SLC5A4: variants seen among roughly 807,000 people sequenced by gnomAD.
SLC5A4 encodes probable glucose sensor protein SLC5A4.
SLC5A4 carries 55 observed loss-of-function variants against 70.3 expected under a neutral mutation model. The observed-to-expected ratio is 0.78, with a 90% CI of 0.63 to 0.98. SLC5A4 has a LOEUF of 0.98. SLC5A4 is among the 50% of genes least tolerant of loss of function. The probability of loss-of-function intolerance (pLI) is 0.00; values close to 1 mark genes in which losing one functional copy is unlikely to be tolerated. For synonymous variants in SLC5A4, 268 were observed against 305.7 expected (o/e 0.88, Z 1.29); for missense variants, 735 against 839.2 (o/e 0.88, Z 1.53).
Position 32,231,029 on chromosome 22 carries a change from G to A in SLC5A4, c.1068C>T (p.Gly356=), listed in dbSNP as rs1419467090. ...CGTAGTTGGTGCAGCCAACATCAAC[G>A]CCACAGTGTTTCACGCATTCAGAAG... is the stretch of plus-strand genomic sequence containing the variant. ...VVPSECVKHC[G]VDVGCTNYAY... is the part of the protein sequence containing the mutation. The change falls in exon 10 of 15, where the codon GGC becomes GGT. Residue 356 remains glycine, a synonymous_variant. Coordinates refer to ENST00000266086, the MANE Select transcript of SLC5A4 (RefSeq NM_014227.3). 3.7e-6 allele frequency: 6 copies of A among 1,613,884 alleles called. No homozygotes were observed. Among genetic ancestry groups the A allele is most frequent in the Admixed American group, 1.7e-5 (1 of 60,004 alleles).
the SLC5A4 span, among the ~76,000 whole-genome samples, chr22:32,304,722 G>A: frequency 1.3e-5 from 2 of 152,234 alleles, no homozygotes; most frequent in Non-Finnish European, 2.9e-5. Flanking sequence ...GAGCAGAAAT[G>A]TTTAATTTTA....
rs536062517 is a variant in SLC5A4, at chr22:32,250,779, A to T, written c.312+991T>A. On this transcript the variant is annotated intron_variant, in intron 3 of 14. Coordinates refer to ENST00000266086, the MANE Select transcript of SLC5A4 (RefSeq NM_014227.3). ...ACCATAGAATACTACACAGCCATAA[A>T]AAAGGATGAGTTCATGTCCTTTGCA... 2.6e-4 allele frequency among the ~76,000 whole-genome samples: 40 copies of T among 152,178 alleles called. 1 individual carries two copies. The highest frequency in any genetic ancestry group is 2.6e-3 in the Admixed American group (40 of 15,278).
intron 3 of SLC5A4, among the ~76,000 whole-genome samples, chr22:32,251,307 C>T (rs1927140531): frequency 6.6e-6 from 1 of 151,956 alleles, no homozygotes; most frequent in African/African-American, 2.4e-5. Context: ...CCCAATGCAA[C>T]AGTATTGAGA....
the SLC5A4 span, among the ~76,000 whole-genome samples, chr22:32,278,104 C>T: frequency 1.7e-4 from 26 of 152,228 alleles, no homozygotes; most frequent in East Asian, 2.3e-3. Context: ...GGTCACTTAG[C>T]GTGTTAGGGT....
At chr22:32,278,202 CAA>C in the SLC5A4 span, among the ~76,000 whole-genome samples, 1 of 152,284 alleles carries the variant, frequency 6.6e-6, no homozygotes, top group African/African-American at 2.4e-5. Flanking sequence ...CCTTAGACCC[CAA>C]ATGGCTTTAC....
At chr22:32,274,423 T>C in the SLC5A4 span, among the ~76,000 whole-genome samples, 4 of 152,174 alleles carry the variant, frequency 2.6e-5, no homozygotes, top group South Asian at 8.3e-4. Flanking sequence ...TAGTTTGTTG[T>C]AGATATTATA....
rs771119948 is a variant in SLC5A4, at chr22:32,218,560, A to G, written c.1934T>C (p.Ile645Thr). 13 of 1,613,780 alleles carry G rather than the reference A, an allele frequency of 8.1e-6. No homozygotes were observed. In the South Asian group the frequency reaches 1.4e-4, roughly 18 times the overall value. Reference sequence around the variant, plus strand: ...AAAGACCACCACAGCCAGGAGGAGGATGGCGTTGATGTTCACTATTGTCCT... The same window carrying G: ...AAAGACCACCACAGCCAGGAGGAGGGTGGCGTTGATGTTCACTATTGTCCT... Reference protein sequence around the residue: ...SWRTIVNINAILLLAVVVFIH... With the variant: ...SWRTIVNINATLLLAVVVFIH... Residue 645 changes from isoleucine (I) to threonine (T), a missense_variant, in exon 15 of 15, where the codon ATC (isoleucine) becomes ACC (threonine). Transcript: ENST00000266086.
the SLC5A4 span, chr22:32,269,727 A>G: frequency 1.6e-6 from 1 of 627,344 alleles, no homozygotes; most frequent in South Asian, 1.4e-5. This position sits in a 1 kb window ranked among gnomAD's most constrained non-coding sequence, Gnocchi z 4.1. Flanking sequence ...CACCACAGGC[A>G]CCGCAGCTTT....
chr22:32,270,180 C>T, the SLC5A4 span: 1 of 659,004 alleles, frequency 1.5e-6, no homozygotes, highest in South Asian at 1.5e-5. Context: ...GGGCACACAG[C>T]TGGCCACCTA....
intron 8 of SLC5A4, among the ~76,000 whole-genome samples, chr22:32,234,462 G>A (rs1925943503): frequency 6.6e-6 from 1 of 152,162 alleles, no homozygotes; most frequent in Non-Finnish European, 1.5e-5. Context: ...ACTTTGAGAG[G>A]CCGAGGCGGG....
chr22:32,239,549 T>TAAATATAA (rs1569374801), intron 5 of SLC5A4, among the ~76,000 whole-genome samples: 1 of 13,914 alleles, frequency 7.2e-5, no homozygotes. Context: ...TATATATATA[T>TAAATATAA]ATATATATAT....
chr22:32,333,284 G>T, the SLC5A4 span, among the ~76,000 whole-genome samples: 1 of 151,826 alleles, frequency 6.6e-6, no homozygotes, highest in Non-Finnish European at 1.5e-5. Context: ...GCTGGAAGTG[G>T]GCAGCAGGCA....
chr22:32,305,197 T>C, the SLC5A4 span, among the ~76,000 whole-genome samples: 3 of 150,770 alleles, frequency 2.0e-5, no homozygotes, highest in African/African-American at 7.3e-5. Flanking sequence ...ATCAGCTCTT[T>C]AAAAATTTTC....
chr22:32,248,993 T>G (rs771039378), intron 3 of SLC5A4, among the ~76,000 whole-genome samples, 191 bp from the exon 4 acceptor site: 2 of 152,128 alleles, frequency 1.3e-5, no homozygotes, highest in Non-Finnish European at 2.9e-5. Flanking sequence ...GGGCCACCAT[T>G]TTCTGAGGAT....
At chr22:32,270,941 T>C in the SLC5A4 span, 1 of 561,164 alleles carries the variant, frequency 1.8e-6, no homozygotes, top group Non-Finnish European at 3.3e-6. Flanking sequence ...CACTGAGAGC[T>C]GCCTGAGCGG....
the SLC5A4 span, chr22:32,271,238 TG>T: frequency 1.3e-6 from 1 of 793,552 alleles, no homozygotes. Context: ...AACTTCCCTG[TG>T]GGGCAGCGGG....
rs1256363248 is a variant in SLC5A4 at position 32,239,594 on chromosome 22, AAATT to A, written c.478-508_478-505del. 1.4e-3 allele frequency among the ~76,000 whole-genome samples: 36 copies of A among 25,176 alleles called. 3 individuals are homozygous for A. Among genetic ancestry groups the A allele is most frequent in the African/African-American group, 6.5e-3 (21 of 3,224 alleles). The allele number at this position is 25,176 out of a possible 152,430, so 16.5% of individuals were successfully genotyped here. A position where few individuals can be genotyped will look rare whatever the true frequency, so the allele number is the denominator to read the frequency against. ...TTTATATATATATTTATATATATATAAATTATATAAAATATATGTATAATATATA... is the reference window on the plus strand; with the variant it reads ...TTTATATATATATTTATATATATATAATATAAAATATATGTATAATATATA... On this transcript the variant is annotated intron_variant, in intron 5 of 14. Coordinates refer to ENST00000266086, the MANE Select transcript of SLC5A4 (RefSeq NM_014227.3).
At chr22:32,255,822 G>A (rs1278401394), upstream of SLC5A4, among the ~76,000 whole-genome samples, 1 of 152,164 alleles carries the variant, frequency 6.6e-6, no homozygotes, top group Non-Finnish European at 1.5e-5. Context: ...TCTCTGAAGT[G>A]GGTTTCATGT....
the SLC5A4 span, chr22:32,272,215 T>C: frequency 1.3e-6 from 1 of 767,916 alleles, no homozygotes; most frequent in South Asian, 1.4e-5. Flanking sequence ...TGAGGGCGGA[T>C]CTTGATCATG....
Sources: gnomAD v4.1 joint callset for allele counts (sites outside exome capture counted in the v4.1 genomes callset) on GRCh38, gnomAD v4.1.1 for gene constraint, Gnocchi (gnomAD v3.1) non-coding constraint, MANE v1.5 for transcripts, NCBI Gene and HGNC (gene_info 2026-07-23, HGNC 2026-07-21) for gene names.